UBE2V1: variants seen among roughly 807,000 people sequenced by gnomAD.
UBE2V1 encodes the protein ubiquitin conjugating enzyme E2 V1, also known as ubiquitin-conjugating enzyme E2 variant 1.
In UBE2V1, 15 loss-of-function variants were observed where a neutral mutation model predicts 19.6. The observed-to-expected ratio is 0.77, with a 90% confidence interval of 0.51 to 1.18. UBE2V1 has a LOEUF of 1.18. Ranked by LOEUF, UBE2V1 falls within the 50% of genes most tolerant of loss-of-function variation. UBE2V1 has a pLI of 0.00. For missense variants in UBE2V1, 125 were observed against 184.8 expected (o/e 0.68, Z 1.88); for synonymous variants, 60 against 60.7 (o/e 0.99, Z 0.05).
rs2079646845 is a variant in UBE2V1 at position 50,096,689 on chromosome 20, T to C, written c.154A>G (p.Ile52Val). ...ACGCTTACTCTTGGAGGCCCAATTA[T>C]CATCCCTGTCCATCTTGTAAGTGTC... ...DMTLTRWTGM[I>V]IGPPRTIYEN... Residue 52 changes from isoleucine (I) to valine (V), a missense_variant, in exon 2 of 4, where the codon ATA (isoleucine) becomes GTA (valine). Coordinates refer to ENST00000371674, the MANE Select transcript of UBE2V1 (RefSeq NM_001032288.3). The C allele has an allele frequency of 3.1e-6, 5 of 1,614,122 alleles. No homozygotes were observed. The highest frequency in any genetic ancestry group is 3.4e-6 in the Non-Finnish European group (4 of 1,180,008).
At chr20:50,095,764 G>A (rs1488493721) in intron 2 of UBE2V1, 2 of 152,242 alleles carry the variant, frequency 1.3e-5, no homozygotes, top group African/African-American at 4.8e-5. Context: ...GTGTGTCACA[G>A]TATGGAAATC....
chr20:50,086,250 C>A (rs1231440890), intron 2 of UBE2V1, among the ~76,000 whole-genome samples: 1 of 152,140 alleles, frequency 6.6e-6, no homozygotes, highest in Non-Finnish European at 1.5e-5. Flanking sequence ...CCAGCTGCTT[C>A]CCCTTGGAAG....
At chr20:50,114,649 C>T (rs2080954123), upstream of UBE2V1, among the ~76,000 whole-genome samples, 1 of 152,176 alleles carries the variant, frequency 6.6e-6, no homozygotes, top group South Asian at 2.1e-4. Context: ...TGCCTGGACA[C>T]CCTGTGCACC....
intron 1 of UBE2V1, among the ~76,000 whole-genome samples, chr20:50,102,508 G>A (rs1312373896): frequency 6.6e-6 from 1 of 152,102 alleles, no homozygotes; most frequent in Admixed American, 6.5e-5. Context: ...TTAAAAGACA[G>A]GTCAGAGTAA....
chr20:50,099,295 T>C (rs2079834595), intron 1 of UBE2V1, among the ~76,000 whole-genome samples: 1 of 152,236 alleles, frequency 6.6e-6, no homozygotes, highest in Non-Finnish European at 1.5e-5. Context: ...GCTGACACCT[T>C]GATCTTGGGC....
intron 1 of UBE2V1, among the ~76,000 whole-genome samples, chr20:50,112,570 T>G (rs2080828872): frequency 6.6e-6 from 1 of 152,146 alleles, no homozygotes; most frequent in South Asian, 2.1e-4. Context: ...TCTCTAAAAC[T>G]AACGCCGGAG....
chr20:50,102,219 C>T (rs2080045629), intron 1 of UBE2V1, among the ~76,000 whole-genome samples: 3 of 152,094 alleles, frequency 2.0e-5, no homozygotes, highest in African/African-American at 7.2e-5. Context: ...AATTCAACAG[C>T]TCATATTCAT....
At chr20:50,098,917 T>A in intron 1 of UBE2V1, 1 of 985,418 alleles carries the variant, frequency 1.0e-6, no homozygotes, top group Non-Finnish European at 1.2e-6. Context: ...GGCATTTTCA[T>A]CTGCACAGCA....
chr20:50,084,244 T>C lies in UBE2V1; in HGVS notation c.182A>G (p.Glu61Gly), dbSNP rs1236384832. The C allele has an allele frequency of 1.2e-6, 2 of 1,610,074 alleles. No homozygotes were observed. Among genetic ancestry groups the C allele is most frequent in the Non-Finnish European group, 1.7e-6 (2 of 1,177,124 alleles). Reference protein sequence around the residue: ...MIIGPPRTIYENRIYSLKIEC... With the variant: ...MIIGPPRTIYGNRIYSLKIEC... The stretch of plus-strand genomic sequence containing the variant: ...TATTTTAAGGCTGTATATTCGGTTT[T>C]CATAAATTGTCTGGAAAAAAAGAGT... Residue 61 changes from glutamate (E) to glycine (G), a missense_variant, in exon 3 of 4, where the codon GAA becomes GGA. Around this residue, in one of 3 missense-constraint regions of UBE2V1, gnomAD observed 78 missense variants for 108.8 expected, o/e 0.72. Coordinates refer to ENST00000371674, the MANE Select transcript of UBE2V1 (RefSeq NM_001032288.3).
chr20:50,092,698 T>G (rs7270646), intron 2 of UBE2V1, among the ~76,000 whole-genome samples: 1 of 152,220 alleles, frequency 6.6e-6, no homozygotes, highest in Non-Finnish European at 1.5e-5. Flanking sequence ...CAAGGAGCAG[T>G]TGGCTCAGAA....
chr20:50,098,621 A>T (rs2079786586), intron 1 of UBE2V1, among the ~76,000 whole-genome samples: 1 of 152,184 alleles, frequency 6.6e-6, no homozygotes, highest in Non-Finnish European at 1.5e-5. Flanking sequence ...TTTTTGGTCC[A>T]AGCAACTGAA....
In UBE2V1 at chr20:50,109,893, A is replaced by G. The variant is rs75281119; in HGVS notation, c.22+3214T>C. ...GCCCATGTTGTACAAAAGGCACTTA[A>G]TTACAATTGGCATAAGATGCTCACA... On this transcript the variant is annotated intron_variant, in intron 1 of 3. Transcript: ENST00000371674. 3.8e-3 allele frequency among the ~76,000 whole-genome samples: 585 copies of G among 152,310 alleles called. 1 individual carries two copies. Among genetic ancestry groups the G allele is most frequent in the African/African-American group, 0.013 (558 of 41,562 alleles).
At chr20:50,092,246 C>T (rs903451999) in intron 2 of UBE2V1, among the ~76,000 whole-genome samples, 7 of 152,112 alleles carry the variant, frequency 4.6e-5, no homozygotes, top group African/African-American at 1.7e-4. Flanking sequence ...CGCTTGAACC[C>T]GGGAGACAGA....
chr20:50,113,128 TC>T lies in UBE2V1; in HGVS notation c.-1del. Reference sequence around the variant, plus strand: ...TCACCCGAGCCCGTGGTGGCTGCCATCTTGCGTCGCTCTTGCTTGAAGGCCG... The same window carrying T: ...TCACCCGAGCCCGTGGTGGCTGCCATTTGCGTCGCTCTTGCTTGAAGGCCG... On this transcript the variant is annotated 5_prime_UTR_variant, in exon 1 of 4. Transcript: ENST00000371674. 5.1e-6 allele frequency: 7 copies of T among 1,370,288 alleles called. No homozygotes were observed. Among genetic ancestry groups the T allele is most frequent in the Non-Finnish European group, 6.7e-6 (7 of 1,046,536 alleles). The allele number at this position is 1,370,288 out of a possible 1,614,324, so 84.9% of individuals were successfully genotyped here.
intron 1 of UBE2V1, chr20:50,111,388 A>T: frequency 1.0e-6 from 1 of 1,000,258 alleles, no homozygotes; most frequent in Non-Finnish European, 1.2e-6. Flanking sequence ...GAGCTGCAAC[A>T]GCACCTTATT....
intron 1 of UBE2V1, among the ~76,000 whole-genome samples, chr20:50,105,006 C>A (rs924152504): frequency 6.6e-6 from 1 of 152,160 alleles, no homozygotes; most frequent in African/African-American, 2.4e-5. Context: ...GGATTACAGG[C>A]ATGAGCCACC....
intron 3 of UBE2V1, among the ~76,000 whole-genome samples, chr20:50,083,271 T>C (rs930616580): frequency 2.0e-5 from 3 of 152,202 alleles, no homozygotes; most frequent in African/African-American, 7.2e-5. Context: ...GGGGGACAGA[T>C]GTGCATGCAG....
At chr20:50,097,079 T>A (rs142432113) in intron 1 of UBE2V1, among the ~76,000 whole-genome samples, 134 of 152,286 alleles carry the variant, frequency 8.8e-4, no homozygotes, top group Non-Finnish European at 1.6e-3. Flanking sequence ...ACCCCACCCC[T>A]ACCCCTTGGA....
intron 1 of UBE2V1, among the ~76,000 whole-genome samples, chr20:50,104,881 G>A (rs1311204665): frequency 2.0e-5 from 3 of 151,102 alleles, no homozygotes; most frequent in Non-Finnish European, 3.0e-5. Context: ...CACGCGCCAC[G>A]ACACCCAGTT....
Sources: allele counts gnomAD v4.1 joint callset (sites outside exome capture counted in the v4.1 genomes callset), GRCh38; gene constraint gnomAD v4.1.1; regional missense constraint gnomAD v4.1.1; transcripts MANE v1.5; gene names NCBI Gene and HGNC (gene_info 2026-07-23, HGNC 2026-07-21).